MGAT4C: variants seen among roughly 807,000 people sequenced by gnomAD.
MGAT4C encodes the protein alpha-1,3-mannosyl-glycoprotein 4-beta-N-acetylglucosaminyltransferase C.
Under a neutral mutation model 40.1 loss-of-function variants are expected in MGAT4C, and 19 were observed. That is an observed-to-expected ratio of 0.47 (90% CI 0.33 to 0.70). The LOEUF is 0.70. Ranked by LOEUF, MGAT4C falls within the 30% of genes least tolerant of loss-of-function variation. The probability of loss-of-function intolerance (pLI) is 0.02; values close to 1 mark genes in which losing one functional copy is unlikely to be tolerated. For missense variants in MGAT4C, 491 were observed against 563.2 expected (o/e 0.87, Z 1.30); for synonymous variants, 181 against 187.1 (o/e 0.97, Z 0.27).
In MGAT4C at chr12:86,573,292, A is replaced by G. The variant is rs888403449; in HGVS notation, c.-228-138027T>C. On this transcript the variant is annotated intron_variant, in intron 2 of 7. Coordinates refer to the MGAT4C transcript ENST00000548651. The stretch of plus-strand genomic sequence containing the variant: ...ACATGCATTTTTAAACACAGAATAC[A>G]ATTAGAAAATACGAGAGGCAATTGA... Among the ~76,000 whole-genome samples, 5 of 152,172 alleles carry G rather than the reference A, an allele frequency of 3.3e-5. No homozygotes were observed. In the South Asian group the frequency reaches 1.0e-3, roughly 32 times the overall value.
chr12:86,004,921 A>C (rs2136789590), intron 2 of MGAT4C, among the ~76,000 whole-genome samples: 1 of 152,330 alleles, frequency 6.6e-6, no homozygotes, highest in South Asian at 2.1e-4. Flanking sequence ...AAATTCTAGG[A>C]CCAAGAAACA....
intron 3 of MGAT4C, among the ~76,000 whole-genome samples, chr12:86,410,502 G>T (rs1463131196): frequency 6.6e-6 from 1 of 152,178 alleles, no homozygotes; most frequent in Non-Finnish European, 1.5e-5. Flanking sequence ...CACACAGGCG[G>T]TCAGACCTTT....
intron 4 of MGAT4C, among the ~76,000 whole-genome samples, chr12:86,331,435 C>T (rs1379709882): frequency 1.3e-5 from 2 of 152,134 alleles, no homozygotes; most frequent in Non-Finnish European, 2.9e-5. Flanking sequence ...GCATTTTTCC[C>T]TTCCCAGTTG....
intron 1 of MGAT4C, among the ~76,000 whole-genome samples, chr12:86,814,369 CGTATATATACATATACGT>C (rs1952556799): frequency 3.4e-5 from 1 of 29,758 alleles, no homozygotes; most frequent in South Asian, 1.5e-3. Flanking sequence ...TATATATATA[CGTATATATACATATACGT>C]ATATATATAC....
intron 3 of MGAT4C, among the ~76,000 whole-genome samples, chr12:86,341,485 G>C (rs965257494): frequency 6.6e-6 from 1 of 152,212 alleles, no homozygotes; most frequent in African/African-American, 2.4e-5. Flanking sequence ...CCAGGCAAGA[G>C]GCTGAATCCA....
At chr12:86,700,096 GA>G in intron 2 of MGAT4C, among the ~76,000 whole-genome samples, 1 of 114,192 alleles carries the variant, frequency 8.8e-6, no homozygotes, top group Admixed American at 8.9e-5. Flanking sequence ...ATAGATGATA[GA>G]TAGATAGATG....
chr12:86,053,269 A>G (rs964924085), intron 1 of MGAT4C, among the ~76,000 whole-genome samples: 35 of 149,692 alleles, frequency 2.3e-4, no homozygotes, highest in African/African-American at 8.6e-4. Context: ...GTGTGTGTAG[A>G]TGAGATGACT....
At chr12:86,809,378 G>A (rs965559186) in intron 1 of MGAT4C, among the ~76,000 whole-genome samples, 1 of 151,902 alleles carries the variant, frequency 6.6e-6, no homozygotes, top group Non-Finnish European at 1.5e-5. Flanking sequence ...TTTTGTTCAA[G>A]TTTTTTTGAG....
At chr12:86,577,711 C>G (rs911895313) in intron 2 of MGAT4C, among the ~76,000 whole-genome samples, 3 of 151,648 alleles carry the variant, frequency 2.0e-5, no homozygotes, top group Non-Finnish European at 4.4e-5. Flanking sequence ...TTGTTTGCTA[C>G]TATTTTATTG....
chr12:86,776,934 T>C (rs1233009944), intron 1 of MGAT4C, among the ~76,000 whole-genome samples: 1 of 152,152 alleles, frequency 6.6e-6, no homozygotes. Flanking sequence ...AACATAAAAG[T>C]ATATTTAAAA....
chr12:86,491,627 G>T (rs1958137337), intron 2 of MGAT4C, among the ~76,000 whole-genome samples: 1 of 151,800 alleles, frequency 6.6e-6, no homozygotes, highest in African/African-American at 2.4e-5. Context: ...AATAAATTAG[G>T]TATTGATGGG....
At chr12:86,410,101 G>GC (rs1370544573) in intron 3 of MGAT4C, among the ~76,000 whole-genome samples, 1 of 152,098 alleles carries the variant, frequency 6.6e-6, no homozygotes, top group Non-Finnish European at 1.5e-5. Context: ...AGATCACAAG[G>GC]CAAAGGGCAA....
chr12:86,127,470 A>G (rs1286034754), intron 1 of MGAT4C, among the ~76,000 whole-genome samples: 2 of 152,198 alleles, frequency 1.3e-5, no homozygotes, highest in Non-Finnish European at 1.5e-5. Context: ...TGCAGACTTC[A>G]TAAGTGCTAT....
intron 4 of MGAT4C, among the ~76,000 whole-genome samples, chr12:86,303,576 AACT>A (rs1469190566): frequency 6.7e-6 from 1 of 150,014 alleles, no homozygotes; most frequent in Non-Finnish European, 1.5e-5. Context: ...AAAAGAATAA[AACT>A]ACTGCAATCC....
chr12:86,767,702 C>T lies in MGAT4C; in HGVS notation c.-261-40461G>A, dbSNP rs551387544. ...TGGGCTTCATCCCTGGGATGCAAGG[C>T]TGGTTCAATATATGAAAATCAATAA... is the stretch of plus-strand genomic sequence containing the variant. On this transcript the variant is annotated intron_variant, in intron 1 of 7. Coordinates refer to the MGAT4C transcript ENST00000548651. Among the ~76,000 whole-genome samples, 67 of 152,268 alleles carry T rather than the reference C, an allele frequency of 4.4e-4. 1 individual carries two copies. Among genetic ancestry groups the T allele is most frequent in the Admixed American group, 1.4e-3 (21 of 15,290 alleles).
chr12:86,301,154 T>TGA (rs1953800724), intron 4 of MGAT4C, among the ~76,000 whole-genome samples: 1 of 152,186 alleles, frequency 6.6e-6, no homozygotes, highest in Non-Finnish European at 1.5e-5. Flanking sequence ...TCACTAACAG[T>TGA]GAGAGGTGTG....
At chr12:86,117,568 T>C (rs1311623394) in intron 1 of MGAT4C, among the ~76,000 whole-genome samples, 3 of 152,134 alleles carry the variant, frequency 2.0e-5, no homozygotes. Context: ...AGAATGAATT[T>C]ATTATGTGAA....
At chr12:86,825,053 G>A (rs537179909) in intron 1 of MGAT4C, among the ~76,000 whole-genome samples, 7 of 151,346 alleles carry the variant, frequency 4.6e-5, no homozygotes, top group East Asian at 2.0e-4. Context: ...TAGAAAAACC[G>A]CTAGAGTAGG....
chr12:86,832,874 C>T (rs1952960236), intron 1 of MGAT4C, among the ~76,000 whole-genome samples: 1 of 151,768 alleles, frequency 6.6e-6, no homozygotes, highest in Non-Finnish European at 1.5e-5. Context: ...CATGAGAAAA[C>T]ACATGTTTAG....
Sources: gnomAD v4.1 joint callset for allele counts (sites outside exome capture counted in the v4.1 genomes callset) on GRCh38, gnomAD v4.1.1 for gene constraint, MANE v1.5 for transcripts, NCBI Gene and HGNC (gene_info 2026-07-23, HGNC 2026-07-21) for gene names.